Variants in CAST observed in about 807,000 individuals in gnomAD.
CAST encodes MIR583 host.
CAST carries 76 observed loss-of-function variants against 119.6 expected under a neutral mutation model. The ratio of observed to expected loss-of-function variants is 0.64; its 90% confidence interval spans 0.53 to 0.77. The LOEUF (loss-of-function observed/expected upper bound fraction) is 0.77. Among genes scored for constraint, CAST ranks in the 30% least tolerant of loss-of-function variants. CAST has a pLI of 0.00. For synonymous variants in CAST, 319 were observed against 331.6 expected, an observed-to-expected ratio of 0.96 and a Z score of 0.41; for missense variants, 953 against 946.5, an observed-to-expected ratio of 1.01 and a Z score of -0.09.
At chr5:95,971,017 A>G in the CAST span, among the ~76,000 whole-genome samples, 1 of 152,212 alleles carries the variant, frequency 6.6e-6, no homozygotes, top group Admixed American at 6.5e-5. Flanking sequence ...TTGATGATCT[A>G]TTATGACTGT....
the CAST span, among the ~76,000 whole-genome samples, chr5:96,216,219 CT>C: frequency 6.6e-6 from 1 of 152,126 alleles, no homozygotes; most frequent in African/African-American, 2.4e-5. Context: ...AGTAAAGCTT[CT>C]GGTCAATAGT....
chr5:96,139,618 T>C, the CAST span, among the ~76,000 whole-genome samples: 3 of 151,434 alleles, frequency 2.0e-5, no homozygotes, highest in Non-Finnish European at 4.4e-5. Context: ...AAAGTTGCTG[T>C]ATTTTTTTCA....
At chr5:96,175,595 G>C in the CAST span, among the ~76,000 whole-genome samples, 1 of 152,176 alleles carries the variant, frequency 6.6e-6, no homozygotes, top group East Asian at 1.9e-4. Flanking sequence ...ATTAATTGGG[G>C]TAACTTTACA....
chr5:96,212,402 T>C, the CAST span, among the ~76,000 whole-genome samples: 1 of 152,204 alleles, frequency 6.6e-6, no homozygotes, highest in African/African-American at 2.4e-5. Context: ...TTTATCATTC[T>C]GTTGTTGATT....
chr5:96,353,385 G>C, the CAST span, among the ~76,000 whole-genome samples: 1 of 152,130 alleles, frequency 6.6e-6, no homozygotes. Flanking sequence ...CTGCACTCTT[G>C]ATTTCCTCCT....
the CAST span, among the ~76,000 whole-genome samples, chr5:96,036,504 C>T: frequency 6.6e-6 from 1 of 152,118 alleles, no homozygotes; most frequent in Non-Finnish European, 1.5e-5. Flanking sequence ...GTCCAATCTA[C>T]ATGTTTAGGT....
chr5:96,596,778 G>GT (rs1292203023), intron 1 of CAST, among the ~76,000 whole-genome samples: 2 of 152,158 alleles, frequency 1.3e-5, no homozygotes, highest in South Asian at 2.1e-4. Flanking sequence ...CTGCCAACAG[G>GT]TTTTTTCTCA....
chr5:96,114,005 C>T, the CAST span, among the ~76,000 whole-genome samples: 1 of 152,294 alleles, frequency 6.6e-6, no homozygotes, highest in Non-Finnish European at 1.5e-5. Flanking sequence ...CTCTTAGGCT[C>T]TTCTAGAATT....
chr5:96,618,024 G>C (rs1747504587), intron 1 of CAST, among the ~76,000 whole-genome samples: 1 of 152,222 alleles, frequency 6.6e-6, no homozygotes, highest in South Asian at 2.1e-4. Flanking sequence ...CACAGGACAA[G>C]GATCTTCTAG....
At chr5:96,746,287 C>T in intron 16 of CAST, 55 bp from the exon 17 acceptor site, 1 of 953,318 alleles carries the variant, frequency 1.0e-6, no homozygotes, top group South Asian at 1.3e-5. Context: ...GAAGTGATAT[C>T]ATCTCATTAT....
intron 3 of CAST, among the ~76,000 whole-genome samples, chr5:96,708,706 G>C (rs563711189): frequency 2.0e-5 from 3 of 152,246 alleles, no homozygotes. Flanking sequence ...TCCCAGGCTG[G>C]TCTTGAATTC....
At position 96,767,975 on chromosome 5, in the gene CAST, AG is replaced by A. The variant is rs1378930772; in HGVS notation, c.2245del (p.Glu749LysfsTer56). ...GDLDSCPSTTETSQNTAKDKC... is the reference protein window; with the variant it reads ...GDLDSCPSTTXTSQNTAKDKC... ...ATCTGGACAGCTGTCCCTCCACTAC[AG>A]AAACCTCACAGAACACAGCAAAGGT... On this transcript the variant is annotated frameshift_variant, in exon 29 of 32. Transcript: ENST00000675179. LOFTEE classifies it high-confidence loss of function. 6 of 1,612,940 alleles carry A rather than the reference AG, an allele frequency of 3.7e-6. No homozygotes were observed. The highest frequency in any genetic ancestry group is 5.1e-6 in the Non-Finnish European group (6 of 1,179,110).
chr5:96,432,722 G>A, the CAST span: 18 of 688,546 alleles, frequency 2.6e-5, no homozygotes, highest in African/African-American at 3.6e-5. Context: ...CGCGACAGGG[G>A]CGAGGGCTGG....
chr5:96,663,204 G>T, intron 1 of CAST: 1 of 702,730 alleles, frequency 1.4e-6, no homozygotes, highest in South Asian at 1.5e-5. Context: ...GGACCCGGAA[G>T]GGAGTGTGTT....
the CAST span, among the ~76,000 whole-genome samples, chr5:96,493,897 C>T: frequency 5.3e-5 from 8 of 151,968 alleles, no homozygotes; most frequent in Admixed American, 4.6e-4. Flanking sequence ...TAGTCACTCA[C>T]GGTGGTGCAC....
chr5:96,269,094 T>A, the CAST span, among the ~76,000 whole-genome samples: 1 of 152,160 alleles, frequency 6.6e-6, no homozygotes, highest in Admixed American at 6.5e-5. Flanking sequence ...GAACTGTGAG[T>A]CAATTAAAGC....
At chr5:96,544,996 A>G (rs1184792066) in intron 1 of CAST, among the ~76,000 whole-genome samples, 1 of 152,206 alleles carries the variant, frequency 6.6e-6, no homozygotes, top group Non-Finnish European at 1.5e-5. Context: ...AGAACAATTA[A>G]GATTATTAAT....
At chr5:96,512,358 T>A in the CAST span, among the ~76,000 whole-genome samples, 2 of 152,226 alleles carry the variant, frequency 1.3e-5, no homozygotes, top group African/African-American at 4.8e-5. Flanking sequence ...TAAACCTGTA[T>A]ATTTTGCAAG....
chr5:96,048,332 C>T, the CAST span, among the ~76,000 whole-genome samples: 1 of 152,208 alleles, frequency 6.6e-6, no homozygotes, highest in African/African-American at 2.4e-5. Flanking sequence ...AGCTAAGAGA[C>T]AATGATAGCT....
Sources: allele counts gnomAD v4.1 joint callset (sites outside exome capture counted in the v4.1 genomes callset), GRCh38; gene constraint gnomAD v4.1.1; transcripts MANE v1.5; gene names NCBI Gene and HGNC (gene_info 2026-07-23, HGNC 2026-07-21).